MACF1: variants seen among roughly 807,000 people sequenced by gnomAD.
MACF1 encodes the protein microtubule-actin cross-linking factor 1.
A neutral mutation model predicts 854.8 loss-of-function variants in MACF1; 193 were observed. The observed-to-expected ratio is 0.23, with a 90% CI of 0.20 to 0.25. MACF1 has a LOEUF of 0.25. Ranked by LOEUF, MACF1 falls within the 10% of genes least tolerant of loss-of-function variation. The pLI, the probability that MACF1 is intolerant of heterozygous loss-of-function variation, is 1.00. For synonymous variants in MACF1, 3,185 were observed against 3,226.7 expected, an observed-to-expected ratio of 0.99 and a Z score of 0.44; for missense variants, 7,722 against 8,929.1, an observed-to-expected ratio of 0.86 and a Z score of 5.45.
intron 3 of MACF1, 187 bp downstream of exon 3, chr1:39,250,290 A>G: frequency 2.4e-6 from 1 of 412,932 alleles, no homozygotes; most frequent in Non-Finnish European, 4.3e-6. Flanking sequence ...TATAATTTAA[A>G]TTGATGTATT....
chr1:39,114,824 G>C (rs911238704), intron 2 of MACF1, among the ~76,000 whole-genome samples: 2 of 152,132 alleles, frequency 1.3e-5, no homozygotes, highest in Non-Finnish European at 2.9e-5. Context: ...GGAGTACCCA[G>C]TATAGCCAGA....
At chr1:39,159,831 A>G (rs1381771369) in intron 2 of MACF1, among the ~76,000 whole-genome samples, 1 of 151,624 alleles carries the variant, frequency 6.6e-6, no homozygotes, top group Admixed American at 6.6e-5. Flanking sequence ...GTGTGGAGAG[A>G]GTGGGAGGGG....
In MACF1 at chr1:39,084,252, C is replaced by A; in HGVS notation, c.34C>A (p.Arg12=). 6.2e-7 allele frequency: 1 copy of A among 1,612,716 alleles called. No homozygotes were observed. Among genetic ancestry groups the A allele is most frequent in the Non-Finnish European group, 8.5e-7 (1 of 1,179,252 alleles). The change falls in exon 2 of 94, where the codon CGG becomes AGG. Residue 12 remains arginine, a synonymous_variant. Coordinates refer to the MACF1 transcript ENST00000361689. The surrounding 1 kb of genome is among the most constrained non-coding windows in gnomAD (Gnocchi z 5.2). Reference sequence around the variant, plus strand: ...CTCAGATGAAGAGACGCTCAGTGAGCGGTCATGTCGGAGTGAGCGGTCTTG... The same window carrying A: ...CTCAGATGAAGAGACGCTCAGTGAGAGGTCATGTCGGAGTGAGCGGTCTTG...
At position 39,335,124 on chromosome 1, in the gene MACF1, GA is replaced by G; in HGVS notation, c.8538del (p.Glu2846AspfsTer23). ...AAAGAGCAGGGAAATTTCCTTAAAG[GA>G]ATTTGGGTGCAAGGATCAACGTAAG... ...AKKSREISLKEFGCKDQRKPR... is the reference protein window; with the variant it reads ...AKKSREISLKXFGCKDQRKPR... On this transcript the variant is annotated frameshift_variant, in exon 37 of 101. Coordinates refer to ENST00000564288, the MANE Select transcript of MACF1 (RefSeq NM_001394062.1). LOFTEE classifies it high-confidence loss of function. The G allele has an allele frequency of 6.2e-7, 1 of 1,614,108 alleles. No homozygotes were observed. The highest frequency in any genetic ancestry group is 8.5e-7 in the Non-Finnish European group (1 of 1,179,998).
chr1:39,457,169 G>A (rs1039063454), intron 89 of MACF1: 12 of 152,272 alleles, frequency 7.9e-5, no homozygotes, highest in African/African-American at 2.7e-4. Flanking sequence ...CAGACATACA[G>A]TAAACTAGAA....
intron 58 of MACF1, among the ~76,000 whole-genome samples, chr1:39,398,365 C>T (rs1642355163): frequency 6.6e-6 from 1 of 152,020 alleles, no homozygotes; most frequent in African/African-American, 2.4e-5. Context: ...CCTTGAACTC[C>T]TGAGCTCAAA....
In MACF1 at chr1:39,459,086, G is replaced by A; in HGVS notation, c.21197G>A (p.Arg7066Lys). 6.2e-7 allele frequency: 1 copy of A among 1,607,134 alleles called. No homozygotes were observed. Among genetic ancestry groups the A allele is most frequent in the Non-Finnish European group, 8.5e-7 (1 of 1,177,602 alleles). ...ATCTTGTGATTATTTTTCCTTTTAG[G>A]GAAATCCCTAAGTCAGCCAACCCCT... is the stretch of plus-strand genomic sequence containing the variant. ...PFIEKSRSGG[R>K]KSLSQPTPPP... is the part of the protein sequence containing the mutation. The change falls in exon 91 of 101, where the codon AGG (arginine) becomes AAG (lysine). Residue 7066 changes from arginine to lysine, a missense_variant and splice_region_variant. Arg to Lys is a conservative substitution (Grantham distance 26). Transcript: ENST00000564288.
chr1:39,151,085 C>T (rs1643568986), intron 2 of MACF1, among the ~76,000 whole-genome samples: 1 of 152,186 alleles, frequency 6.6e-6, no homozygotes, highest in African/African-American at 2.4e-5. Flanking sequence ...AAACCCTTCA[C>T]TCTGGCAAAC....
Position 39,433,126 on chromosome 1 carries a change from T to C in MACF1, c.17536T>C (p.Cys5846Arg), listed in dbSNP as rs757426706. 1.9e-6 allele frequency: 3 copies of C among 1,610,602 alleles called. No individual in the cohort carries two copies. Among genetic ancestry groups the C allele is most frequent in the Admixed American group, 3.4e-5 (2 of 59,682 alleles). ...FSHRSEIFGT[C>R]GEEQKTVLQE... ...TCACCGTAGTGAAATCTTTGGCACA[T>C]GTGGGGAGGAGCAAAAAACTGTATT... is the stretch of plus-strand genomic sequence containing the variant. The change falls in exon 68 of 101, where the codon TGT becomes CGT. Residue 5846 changes from cysteine (C) to arginine (R), a missense_variant. Coordinates refer to ENST00000564288, the MANE Select transcript of MACF1 (RefSeq NM_001394062.1).
intron 2 of MACF1, chr1:39,103,676 T>TTTTG (rs989250198): frequency 9.8e-5 from 15 of 152,394 alleles, no homozygotes; most frequent in East Asian, 3.9e-4. Context: ...TGAGAACTAG[T>TTTTG]TTTGTTTGTT....
chr1:39,356,890 TA>T (rs549601372), intron 44 of MACF1, among the ~76,000 whole-genome samples: 12 of 152,230 alleles, frequency 7.9e-5, no homozygotes, highest in Non-Finnish European at 1.8e-4. Flanking sequence ...CTACCTACAT[TA>T]TAGGTCGTGC....
chr1:39,303,820 C>T (rs936167006), intron 23 of MACF1, among the ~76,000 whole-genome samples: 1 of 149,892 alleles, frequency 6.7e-6, no homozygotes, highest in African/African-American at 2.5e-5. Flanking sequence ...TGCAGTGAGT[C>T]GAGCCGAGAT....
chr1:39,170,418 C>T (rs747377679), intron 2 of MACF1, among the ~76,000 whole-genome samples: 2 of 152,150 alleles, frequency 1.3e-5, no homozygotes, highest in Non-Finnish European at 2.9e-5. Context: ...TGAGCACCTA[C>T]CATGTGTGCT....
chr1:39,448,953 A>G (rs1017916668), intron 84 of MACF1, among the ~76,000 whole-genome samples, 190 bp downstream of exon 84: 1 of 152,212 alleles, frequency 6.6e-6, no homozygotes, highest in Admixed American at 6.5e-5. Flanking sequence ...TTAAACTTGA[A>G]CCTTATTGTA....
At position 39,147,497 on chromosome 1, in the gene MACF1, T is replaced by C. The variant is rs560315278; in HGVS notation, c.220+63059T>C. Among the ~76,000 whole-genome samples, 3 of 150,888 alleles carry C rather than the reference T, an allele frequency of 2.0e-5. No individual in the cohort carries two copies. In the East Asian group the frequency reaches 5.9e-4, roughly 29 times the overall value. ...CCCCTCCCTTCCTTCCTTCTTTCCC[T>C]TCTTTCTTTCTTTTCCTCCTTTCTT... On this transcript the variant is annotated intron_variant, in intron 2 of 93. Coordinates refer to the MACF1 transcript ENST00000361689.
chr1:39,222,199 A>G (rs1429138603), intron 1 of MACF1, among the ~76,000 whole-genome samples: 1 of 152,204 alleles, frequency 6.6e-6, no homozygotes, highest in Non-Finnish European at 1.5e-5. Flanking sequence ...ATCTTGGCTC[A>G]CTGCAACCTC....
intron 18 of MACF1, 90 bp from the exon 19 acceptor site, chr1:39,294,956 C>T: frequency 1.1e-6 from 1 of 895,880 alleles, no homozygotes; most frequent in South Asian, 1.5e-5. Flanking sequence ...ATTGTAGGTT[C>T]CTTTAAAATA....
chr1:39,202,419 G>A (rs1345774326), upstream of MACF1, among the ~76,000 whole-genome samples: 4 of 151,384 alleles, frequency 2.6e-5, no homozygotes, highest in South Asian at 2.1e-4. Flanking sequence ...GTTGGATCAC[G>A]AGGTCAGGAG....
In MACF1 at chr1:39,105,627, G is replaced by C; in HGVS notation, c.220+21189G>C. ...CGAGAAGGCGGTGCGGGCGGCCATG[G>C]CCGGCTACGTGCCGGGTCAGCAGCC... On this transcript the variant is annotated intron_variant, in intron 2 of 93. Coordinates refer to the MACF1 transcript ENST00000361689. This position sits in a 1 kb window ranked among gnomAD's most constrained non-coding sequence, Gnocchi z 5.9. 8.1e-7 allele frequency: 1 copy of C among 1,228,834 alleles called. No homozygotes were observed. The highest frequency in any genetic ancestry group is 1.3e-5 in the South Asian group (1 of 74,534). 76.1% of individuals were successfully genotyped at this position (1,228,834 alleles called of 1,614,324 possible).
Sources: gnomAD v4.1 joint callset for allele counts (sites outside exome capture counted in the v4.1 genomes callset) on GRCh38, gnomAD v4.1.1 for gene constraint, Gnocchi (gnomAD v3.1) non-coding constraint, MANE v1.5 for transcripts, NCBI Gene and HGNC (gene_info 2026-07-23, HGNC 2026-07-21) for gene names.